Variants in KIAA1549L observed in about 807,000 individuals in gnomAD.
KIAA1549L encodes the protein UPF0606 protein KIAA1549L.
In KIAA1549L, 88 loss-of-function variants were observed where a neutral mutation model predicts 160.7. The ratio of observed to expected loss-of-function variants is 0.55; its 90% CI spans 0.46 to 0.65. The LOEUF is 0.65. Ranked by LOEUF, KIAA1549L falls within the 30% of genes least tolerant of loss-of-function variation. The pLI is 0.00. For synonymous variants in KIAA1549L, 950 were observed against 976.7 expected (o/e 0.97, Z 0.51); for missense variants, 2,258 against 2,437.5 (o/e 0.93, Z 1.55).
chr11:33,489,512 G>A (rs1213691394), intron 1 of KIAA1549L, among the ~76,000 whole-genome samples: 1 of 152,160 alleles, frequency 6.6e-6, no homozygotes, highest in Non-Finnish European at 1.5e-5. Context: ...ACAACACAGT[G>A]GGAGTTTATT....
chr11:33,612,929 T>C (rs900603399), intron 15 of KIAA1549L, among the ~76,000 whole-genome samples: 4 of 152,224 alleles, frequency 2.6e-5, no homozygotes, highest in African/African-American at 9.7e-5. Context: ...GCAAAAGACA[T>C]GATCTTGTTC....
At chr11:33,406,668 C>G (rs1021247529) in intron 1 of KIAA1549L, among the ~76,000 whole-genome samples, 2 of 152,232 alleles carry the variant, frequency 1.3e-5, no homozygotes, top group African/African-American at 2.4e-5. Context: ...ACTCTTCTTT[C>G]TTAAGGCCCC....
chr11:33,384,959 AAGG>A (rs1484736196), intron 1 of KIAA1549L, among the ~76,000 whole-genome samples: 1 of 150,756 alleles, frequency 6.6e-6, no homozygotes, highest in East Asian at 1.9e-4. Flanking sequence ...TTTTTTTTAA[AAGG>A]AGAGAAGTTT....
intron 1 of KIAA1549L, among the ~76,000 whole-genome samples, chr11:33,426,829 C>T (rs1169075719): frequency 6.6e-6 from 1 of 152,136 alleles, no homozygotes. Flanking sequence ...TTGGTGGGTG[C>T]TCCCCTGAGG....
At chr11:33,404,731 T>C (rs1448991642) in intron 1 of KIAA1549L, among the ~76,000 whole-genome samples, 2 of 151,712 alleles carry the variant, frequency 1.3e-5, no homozygotes, top group East Asian at 2.0e-4. Context: ...TATTTAAAGC[T>C]GGGCACAGTG....
chr11:33,387,962 G>T (rs11032251), intron 1 of KIAA1549L, among the ~76,000 whole-genome samples: 3 of 152,096 alleles, frequency 2.0e-5, no homozygotes, highest in African/African-American at 7.3e-5. Flanking sequence ...CATAGTTCCA[G>T]TGTGAGGCCC....
At chr11:33,463,250 C>T (rs1230843786) in intron 1 of KIAA1549L, among the ~76,000 whole-genome samples, 2 of 152,130 alleles carry the variant, frequency 1.3e-5, no homozygotes, top group Non-Finnish European at 2.9e-5. Context: ...GTGTCCTTGC[C>T]TTCTTTTTTC....
intron 1 of KIAA1549L, among the ~76,000 whole-genome samples, chr11:33,518,066 G>T (rs1853390959): frequency 7.1e-6 from 1 of 141,052 alleles, no homozygotes; most frequent in Non-Finnish European, 1.5e-5. Flanking sequence ...TTGAACCCAG[G>T]AGGCAGAGGT....
chr11:33,608,495 A>G (rs1344519023), intron 14 of KIAA1549L, among the ~76,000 whole-genome samples: 1 of 152,256 alleles, frequency 6.6e-6, no homozygotes, highest in Admixed American at 6.5e-5. Flanking sequence ...TGCAAACCCC[A>G]TAATTAGAGG....
intron 1 of KIAA1549L, among the ~76,000 whole-genome samples, chr11:33,445,287 A>G (rs1851588627): frequency 6.6e-6 from 1 of 152,246 alleles, no homozygotes. Context: ...TGGGAGTAGT[A>G]GGTGGGAGAG....
chr11:33,552,311 C>G (rs1854490705), intron 6 of KIAA1549L, 70 bp downstream of exon 6: 1 of 1,506,168 alleles, frequency 6.6e-7, no homozygotes, highest in Non-Finnish European at 9.0e-7. Flanking sequence ...CAAGAAATGA[C>G]TTGGGTCTTC....
intron 11 of KIAA1549L, among the ~76,000 whole-genome samples, chr11:33,587,684 A>G (rs925824734): frequency 6.6e-6 from 1 of 152,216 alleles, no homozygotes; most frequent in East Asian, 1.9e-4. Flanking sequence ...CTCTTTGTGT[A>G]TATCCATCAT....
At chr11:33,606,127 GAA>G (rs34777358) in intron 13 of KIAA1549L, among the ~76,000 whole-genome samples, 16 of 146,930 alleles carry the variant, frequency 1.1e-4, no homozygotes, top group African/African-American at 3.8e-4. Flanking sequence ...TTCAGAAGAG[GAA>G]AAAAAAAAAG....
chr11:33,625,824 A>G (rs578045592), intron 16 of KIAA1549L, among the ~76,000 whole-genome samples: 22 of 152,266 alleles, frequency 1.4e-4, no homozygotes, highest in African/African-American at 4.8e-4. Context: ...TTAGACATGA[A>G]GTCCTTGCCC....
At chr11:33,568,278 G>T in intron 9 of KIAA1549L, 51 bp downstream of exon 9, 1 of 1,539,200 alleles carries the variant, frequency 6.5e-7, no homozygotes, top group Non-Finnish European at 8.8e-7. Context: ...GGGTAGAGGG[G>T]GGGATGTGCT....
chr11:33,405,839 CAAAAAAAA>C (rs35479859), intron 1 of KIAA1549L, among the ~76,000 whole-genome samples: 4 of 68,876 alleles, frequency 5.8e-5, no homozygotes, highest in Non-Finnish European at 1.1e-4. Flanking sequence ...CAGTCTGTCT[CAAAAAAAA>C]AAAAAAAAAA....
At chr11:33,562,137 C>T (rs948527364) in intron 8 of KIAA1549L, among the ~76,000 whole-genome samples, 1 of 152,214 alleles carries the variant, frequency 6.6e-6, no homozygotes, top group East Asian at 1.9e-4. Context: ...TCTCCTCTGG[C>T]ACAACATGTA....
intron 1 of KIAA1549L, among the ~76,000 whole-genome samples, chr11:33,496,005 C>A (rs560676874): frequency 6.6e-6 from 1 of 152,142 alleles, no homozygotes; most frequent in Non-Finnish European, 1.5e-5. Flanking sequence ...CTCTGTCGCC[C>A]AGGCTGGAGT....
At chr11:33,550,415 T>C (rs944552325) in intron 4 of KIAA1549L, among the ~76,000 whole-genome samples, 1 of 151,986 alleles carries the variant, frequency 6.6e-6, no homozygotes, top group African/African-American at 2.4e-5. Flanking sequence ...GAATAAAATC[T>C]AAAGCCTGAA....
Sources: allele counts gnomAD v4.1 joint callset (sites outside exome capture counted in the v4.1 genomes callset), GRCh38; gene constraint gnomAD v4.1.1; transcripts MANE v1.5; gene names NCBI Gene and HGNC (gene_info 2026-07-23, HGNC 2026-07-21).